Variants in BACH2 observed in about 807,000 individuals in gnomAD.
BACH2 encodes the protein BACH transcriptional regulator 2, also known as transcription regulator protein BACH2.
Under a neutral mutation model 61.8 loss-of-function variants are expected in BACH2, and 5 were observed. The observed-to-expected ratio is 0.08, with a 90% CI of 0.04 to 0.17. BACH2 has a LOEUF of 0.17. Among genes scored for constraint, BACH2 ranks in the 10% least tolerant of loss-of-function variants. The probability of loss-of-function intolerance (pLI) is 1.00; values close to 1 mark genes in which losing one functional copy is unlikely to be tolerated. For missense variants in BACH2, 824 were observed against 1,091.1 expected, an observed-to-expected ratio of 0.76 and a Z score of 3.45; for synonymous variants, 446 against 440.1, an observed-to-expected ratio of 1.01 and a Z score of -0.17.
chr6:89,967,945 C>A (rs1168994733), intron 6 of BACH2, among the ~76,000 whole-genome samples: 1 of 152,144 alleles, frequency 6.6e-6, no homozygotes, highest in Non-Finnish European at 1.5e-5. Context: ...GAAAGCAAAC[C>A]TGATTCTCTC....
chr6:90,085,405 G>A (rs2127806363), intron 5 of BACH2, among the ~76,000 whole-genome samples: 1 of 152,270 alleles, frequency 6.6e-6, no homozygotes, highest in East Asian at 1.9e-4. Flanking sequence ...GACTCTCTCT[G>A]TGCTCTGTGC....
chr6:90,255,154 A>T (rs901143528), intron 2 of BACH2, among the ~76,000 whole-genome samples: 1 of 152,188 alleles, frequency 6.6e-6, no homozygotes, highest in Non-Finnish European at 1.5e-5. Flanking sequence ...CTAACACATT[A>T]TCTTAGGCTT....
chr6:90,171,622 A>AT (rs1767818291), intron 4 of BACH2, among the ~76,000 whole-genome samples: 1 of 152,200 alleles, frequency 6.6e-6, no homozygotes, highest in Admixed American at 6.5e-5. Context: ...ATTCCAAGTA[A>AT]TTAAGTTCAC....
At chr6:90,177,963 G>A (rs1768034480) in intron 4 of BACH2, among the ~76,000 whole-genome samples, 1 of 152,138 alleles carries the variant, frequency 6.6e-6, no homozygotes, top group South Asian at 2.1e-4. Flanking sequence ...TCAAGAAAAT[G>A]TCCACTTTTG....
intron 3 of BACH2, among the ~76,000 whole-genome samples, chr6:90,233,490 G>T (rs1328947171): frequency 6.6e-6 from 1 of 152,126 alleles, no homozygotes; most frequent in Non-Finnish European, 1.5e-5. Context: ...ACAGATTTAG[G>T]TTCAAGTTTT....
chr6:89,934,456 G>A (rs1396197157), intron 8 of BACH2, among the ~76,000 whole-genome samples: 1 of 152,062 alleles, frequency 6.6e-6, no homozygotes, highest in Non-Finnish European at 1.5e-5. Context: ...TCAGGAGTTC[G>A]AGACCAGCCT....
intron 4 of BACH2, among the ~76,000 whole-genome samples, chr6:90,103,014 TA>T (rs1782727130): frequency 2.9e-5 from 1 of 34,622 alleles, no homozygotes; most frequent in Non-Finnish European, 5.7e-5. Context: ...TACATATATA[TA>T]TATATATATA....
chr6:89,964,928 C>T (rs1239517317), intron 6 of BACH2, among the ~76,000 whole-genome samples: 1 of 152,120 alleles, frequency 6.6e-6, no homozygotes, highest in Non-Finnish European at 1.5e-5. Context: ...CTCTGTCACC[C>T]AGGCTGCAAT....
At chr6:90,210,213 T>C (rs1300307627) in intron 3 of BACH2, among the ~76,000 whole-genome samples, 1 of 151,762 alleles carries the variant, frequency 6.6e-6, no homozygotes. Flanking sequence ...TAATAAGCAA[T>C]AGACCCTGGA....
At position 89,951,217 on chromosome 6, in the gene BACH2, C is replaced by T. The variant is rs2128356953; in HGVS notation, c.889G>A (p.Glu297Lys). 3 of 1,614,084 alleles carry T rather than the reference C, an allele frequency of 1.9e-6. No individual in the cohort carries two copies. The highest frequency in any genetic ancestry group is 8.5e-7 in the Non-Finnish European group (1 of 1,180,024). Reference protein sequence around the residue: ...ESITLCLSGDEPDAKDRAGDV... With the variant: ...ESITLCLSGDKPDAKDRAGDV... ...CCCGCTCTGTCCTTGGCGTCAGGCTCATCTCCAGACAGGCAGAGCGTGATG... is the reference window on the plus strand; with the variant it reads ...CCCGCTCTGTCCTTGGCGTCAGGCTTATCTCCAGACAGGCAGAGCGTGATG... The change falls in exon 7 of 9, where the codon GAG becomes AAG. Residue 297 changes from glutamate (E) to lysine (K), a missense_variant. This residue lies in a region of BACH2 where 226 missense variants were observed against 228.5 expected (regional missense o/e 0.99). Transcript: ENST00000257749. The surrounding 1 kb of genome is among the most constrained non-coding windows in gnomAD (Gnocchi z 6.4).
chr6:90,062,459 C>T (rs1780734199), intron 5 of BACH2, among the ~76,000 whole-genome samples: 1 of 152,122 alleles, frequency 6.6e-6, no homozygotes, highest in Non-Finnish European at 1.5e-5. Flanking sequence ...CCACTTTAGG[C>T]AACTGAATCC....
chr6:90,244,779 C>A (rs986549504), intron 3 of BACH2, among the ~76,000 whole-genome samples: 5 of 152,220 alleles, frequency 3.3e-5, no homozygotes, highest in Non-Finnish European at 7.3e-5. Flanking sequence ...TCTATTGCCC[C>A]CTCTGAGCCA....
At chr6:89,964,172 A>G (rs1281833800) in intron 6 of BACH2, among the ~76,000 whole-genome samples, 2 of 151,536 alleles carry the variant, frequency 1.3e-5, no homozygotes, top group African/African-American at 4.9e-5. Context: ...TAACCTGCAC[A>G]ATGTGCACAC....
intron 5 of BACH2, among the ~76,000 whole-genome samples, chr6:90,025,855 T>G (rs1778607863): frequency 6.6e-6 from 1 of 152,202 alleles, no homozygotes; most frequent in South Asian, 2.1e-4. Context: ...CATGGGGAAA[T>G]CATTACAGAG....
At chr6:89,953,967 A>G (rs1774269133) in intron 6 of BACH2, among the ~76,000 whole-genome samples, 1 of 152,242 alleles carries the variant, frequency 6.6e-6, no homozygotes, top group Non-Finnish European at 1.5e-5. Flanking sequence ...TGTAGTACTG[A>G]CAATACATCT....
chr6:90,281,137 C>T (rs1251964373), intron 1 of BACH2, among the ~76,000 whole-genome samples: 3 of 152,338 alleles, frequency 2.0e-5, no homozygotes, highest in Middle Eastern at 3.4e-3. Context: ...ATTCCCTGAT[C>T]TAAAGGGGAC....
At chr6:90,139,735 T>G (rs1784401046) in intron 4 of BACH2, among the ~76,000 whole-genome samples, 3 of 152,190 alleles carry the variant, frequency 2.0e-5, no homozygotes, top group Admixed American at 2.0e-4. Context: ...CTACCAGTTG[T>G]ACTTCCACAC....
At chr6:89,985,193 G>A (rs1189561665) in intron 6 of BACH2, among the ~76,000 whole-genome samples, 1 of 152,172 alleles carries the variant, frequency 6.6e-6, no homozygotes, top group South Asian at 2.1e-4. Context: ...ATCTTTCCTG[G>A]GGCTAGTGAG....
chr6:90,111,337 T>C (rs1455159294), intron 4 of BACH2, among the ~76,000 whole-genome samples: 1 of 152,098 alleles, frequency 6.6e-6, no homozygotes, highest in African/African-American at 2.4e-5. Flanking sequence ...TAGAAGCCCT[T>C]CTCCACAGAG....
Sources: gnomAD v4.1 joint callset for allele counts (sites outside exome capture counted in the v4.1 genomes callset) on GRCh38, gnomAD v4.1.1 for gene constraint, gnomAD v4.1.1 regional missense constraint, Gnocchi (gnomAD v3.1) non-coding constraint, MANE v1.5 for transcripts, NCBI Gene and HGNC (gene_info 2026-07-23, HGNC 2026-07-21) for gene names.